HEATR3: variants seen among roughly 807,000 people sequenced by gnomAD.
HEATR3 encodes the protein HEAT repeat-containing protein 3.
Under a neutral mutation model 72.8 loss-of-function variants are expected in HEATR3, and 56 were observed. That is an observed-to-expected ratio of 0.77 (90% CI 0.62 to 0.96). HEATR3 has a LOEUF of 0.96. Among genes scored for constraint, HEATR3 ranks in the 40% least tolerant of loss-of-function variants. The pLI is 0.00. For synonymous variants in HEATR3, 331 were observed against 318.1 expected (o/e 1.04, Z -0.43); for missense variants, 747 against 831.4 (o/e 0.90, Z 1.25).
At chr16:50,090,772 C>T (rs1340995220) in intron 11 of HEATR3, among the ~76,000 whole-genome samples, 5 of 152,154 alleles carry the variant, frequency 3.3e-5, no homozygotes, top group African/African-American at 9.7e-5. Flanking sequence ...AGAATCAGAA[C>T]GTTCTTTTTT....
intron 14 of HEATR3, among the ~76,000 whole-genome samples, chr16:50,104,140 A>G (rs2037428261): frequency 2.6e-5 from 4 of 152,146 alleles, no homozygotes; most frequent in Admixed American, 2.6e-4. Context: ...ACTTGAGCCC[A>G]CGAGTTCAAG....
chr16:50,104,696 TTATATAACTCC>T (rs1196643985), intron 14 of HEATR3, among the ~76,000 whole-genome samples: 2 of 152,210 alleles, frequency 1.3e-5, no homozygotes, highest in African/African-American at 4.8e-5. Flanking sequence ...TTTCTATAGT[TTATATAACTCC>T]TACCACCTGC....
In HEATR3 at chr16:50,066,113, C is replaced by A; in HGVS notation, c.-19C>A. 6.5e-7 allele frequency: 1 copy of A among 1,533,762 alleles called. No homozygotes were observed. The highest frequency in any genetic ancestry group is 8.8e-7 in the Non-Finnish European group (1 of 1,141,500). Reference sequence around the variant, plus strand: ...TTGCCCTCCTCTCTCGGTGGTCTGTCCGCCCAGCGCACGTCACCATGGGCA... The same window carrying A: ...TTGCCCTCCTCTCTCGGTGGTCTGTACGCCCAGCGCACGTCACCATGGGCA... On this transcript the variant is annotated 5_prime_UTR_variant, in exon 1 of 15. Transcript: ENST00000299192.
chr16:50,075,624 A>G lies in HEATR3; in HGVS notation c.676A>G (p.Ser226Gly). The G allele has an allele frequency of 6.2e-7, 1 of 1,613,788 alleles. No individual in the cohort carries two copies. The highest frequency in any genetic ancestry group is 1.1e-5 in the South Asian group (1 of 91,078). The change falls in exon 6 of 15, where the codon AGT becomes GGT. Residue 226 changes from serine to glycine, a missense_variant. Ser to Gly is a moderately conservative substitution (Grantham distance 56). Coordinates refer to ENST00000299192, the MANE Select transcript of HEATR3 (RefSeq NM_182922.4). ...TAACCCAGAGCTGCTGAAGTCTTTC[A>G]GTGCTACAGCATTGAACATGCTGGA... ...EDNPELLKSFSATALNMLESA... is the reference protein window; with the variant it reads ...EDNPELLKSFGATALNMLESA...
chr16:50,076,035 A>G (rs1314002513), intron 6 of HEATR3, among the ~76,000 whole-genome samples: 2 of 150,658 alleles, frequency 1.3e-5, no homozygotes, highest in Non-Finnish European at 3.0e-5. Context: ...TTTTTTAACC[A>G]CCAACTCTTT....
intron 12 of HEATR3, among the ~76,000 whole-genome samples, chr16:50,096,909 C>G (rs1051166263): frequency 5.3e-5 from 8 of 152,188 alleles, no homozygotes; most frequent in Admixed American, 1.3e-4. Context: ...CATACACTTA[C>G]CCATTGAAGA....
At position 50,105,026 on chromosome 16, in the gene HEATR3, T is replaced by C. The variant is rs1447569480; in HGVS notation, c.2008T>C (p.Tyr670His). 6.2e-7 allele frequency: 1 copy of C among 1,613,380 alleles called. No homozygotes were observed. Among genetic ancestry groups the C allele is most frequent in the African/African-American group, 1.3e-5 (1 of 75,040 alleles). ...AATGAATTTGCGAAGATTTATTGCT[T>C]ATCAAGAAACTGTTGAGAAAAGACT... ...VKMNLRRFIA[Y>H]QETVEKRLTS The change falls in exon 15 of 15, where the codon TAT becomes CAT. Residue 670 changes from tyrosine (Y) to histidine (H), a missense_variant. Tyr to His is a moderately conservative substitution (Grantham distance 83). Around this residue, in one of 2 missense-constraint regions of HEATR3, gnomAD observed 586 missense variants for 708.8 expected, o/e 0.83. Coordinates refer to ENST00000299192, the MANE Select transcript of HEATR3 (RefSeq NM_182922.4).
At chr16:50,074,533 T>C (rs1282982711) in intron 5 of HEATR3, 1 of 151,666 alleles carries the variant, frequency 6.6e-6, no homozygotes, top group Non-Finnish European at 1.5e-5. Context: ...AGAGATGGGG[T>C]TTTGCCATGC....
Position 50,065,974 on chromosome 16 carries a change from G to C in HEATR3, c.-158G>C. The C allele has an allele frequency of 1.1e-5, 2 of 185,828 alleles. No individual in the cohort carries two copies. The highest frequency in any genetic ancestry group is 2.0e-5 in the Non-Finnish European group (2 of 99,154). The allele number at this position is 185,828 out of a possible 1,614,324, so 11.5% of individuals were successfully genotyped here. ...CCGCCCCAACCCCGACCCGGCAGAC[G>C]ACGCGCCGTGCGCCTGCGCACGGCT... On this transcript the variant is annotated 5_prime_UTR_variant, in exon 1 of 15. Transcript: ENST00000299192.
chr16:50,092,204 CA>C (rs1006157342), intron 11 of HEATR3, among the ~76,000 whole-genome samples: 7 of 151,532 alleles, frequency 4.6e-5, no homozygotes, highest in Admixed American at 6.6e-5. Flanking sequence ...GACGTGGTGG[CA>C]CGTGCCTGTG....
At chr16:50,086,471 C>A in intron 11 of HEATR3, 120 bp downstream of exon 11, 1 of 1,091,308 alleles carries the variant, frequency 9.2e-7, no homozygotes, top group Non-Finnish European at 1.3e-6. Context: ...TTCCCAGACA[C>A]AGGAATCATG....
chr16:50,106,486 AT>A lies in HEATR3; in HGVS notation c.*1427del, dbSNP rs2037489553. 6.6e-6 allele frequency: 1 copy of A among 152,142 alleles called. No homozygotes were observed. The highest frequency in any genetic ancestry group is 6.6e-5 in the Admixed American group (1 of 15,254). The allele number at this position is 152,142 out of a possible 1,614,324, so 9.4% of individuals were successfully genotyped here. A position where few individuals can be genotyped will look rare whatever the true frequency, so the allele number is the denominator to read the frequency against. On this transcript the variant is annotated 3_prime_UTR_variant, in exon 15 of 15. Transcript: ENST00000299192. ...CGTGGATATTTGTTTGCTAATGCAT[AT>A]TGCTTGGAATATATGTGAGACATTA...
chr16:50,084,734 C>A (rs1458564974), intron 10 of HEATR3, 83 bp downstream of exon 10: 5 of 985,186 alleles, frequency 5.1e-6, no homozygotes, highest in Non-Finnish European at 1.5e-6. Flanking sequence ...GGTGCTGACT[C>A]CCCCTAGGAC....
intron 12 of HEATR3, among the ~76,000 whole-genome samples, chr16:50,099,376 G>T (rs956688096): frequency 6.6e-6 from 1 of 152,112 alleles, no homozygotes; most frequent in Admixed American, 6.6e-5. Flanking sequence ...AGCCTGAGGC[G>T]GGAGGATTGC....
chr16:50,074,391 G>T (rs1717622650), intron 5 of HEATR3: 1 of 150,406 alleles, frequency 6.6e-6, no homozygotes, highest in Non-Finnish European at 1.5e-5. Context: ...CCAGGCTGGA[G>T]TGCAGTGGCG....
intron 11 of HEATR3, 115 bp from the exon 12 acceptor site, chr16:50,094,590 G>GTTTT: frequency 1.8e-6 from 1 of 571,368 alleles, no homozygotes; most frequent in Non-Finnish European, 3.0e-6. Flanking sequence ...TTGTTTGTTT[G>GTTTT]TTTTATTAAG....
In HEATR3 at chr16:50,066,070, A is replaced by C. The variant is rs1315915064; in HGVS notation, c.-62A>C. 1 of 1,517,872 alleles carries C rather than the reference A, an allele frequency of 6.6e-7. No homozygotes were observed. The highest frequency in any genetic ancestry group is 8.8e-7 in the Non-Finnish European group (1 of 1,133,748). The allele number at this position is 1,517,872 out of a possible 1,614,324, so 94.0% of individuals were successfully genotyped here. A position where few individuals can be genotyped will look rare whatever the true frequency, so the allele number is the denominator to read the frequency against. On this transcript the variant is annotated 5_prime_UTR_variant, in exon 1 of 15. Coordinates refer to ENST00000299192, the MANE Select transcript of HEATR3 (RefSeq NM_182922.4). ...CAACGGACCTTGTTAACGGCGCGGCAGCCTCCACCGCCTGCTGTTGCCCTC... is the reference window on the plus strand; with the variant it reads ...CAACGGACCTTGTTAACGGCGCGGCCGCCTCCACCGCCTGCTGTTGCCCTC...
chr16:50,077,249 T>G (rs915182196), intron 6 of HEATR3, among the ~76,000 whole-genome samples: 2 of 152,008 alleles, frequency 1.3e-5, no homozygotes, highest in African/African-American at 2.4e-5. Flanking sequence ...TGACCTAAAG[T>G]GATTGGCCCA....
intron 4 of HEATR3, among the ~76,000 whole-genome samples, chr16:50,072,330 A>G (rs2036630256): frequency 6.6e-6 from 1 of 152,174 alleles, no homozygotes; most frequent in African/African-American, 2.4e-5. Context: ...GATTTACAAG[A>G]TCTCTTCCAG....
Sources: gnomAD v4.1 joint callset for allele counts (sites outside exome capture counted in the v4.1 genomes callset) on GRCh38, gnomAD v4.1.1 for gene constraint, gnomAD v4.1.1 regional missense constraint, MANE v1.5 for transcripts, NCBI Gene and HGNC (gene_info 2026-07-23, HGNC 2026-07-21) for gene names.